The following HS2ST1 variants were observed in gnomAD, a reference collection of about 807,000 sequenced individuals.
HS2ST1 encodes the protein heparan sulfate 2-O-sulfotransferase 1.
In HS2ST1, 18 loss-of-function variants were observed where a neutral mutation model predicts 42.9. That is an observed-to-expected ratio of 0.42 (90% CI 0.29 to 0.62). HS2ST1 has a LOEUF of 0.62. Among genes scored for constraint, HS2ST1 ranks in the 20% least tolerant of loss-of-function variants. HS2ST1 has a pLI of 0.21. For missense variants in HS2ST1, 334 were observed against 433.8 expected (o/e 0.77, Z 2.04); for synonymous variants, 146 against 152.9 (o/e 0.95, Z 0.33).
chr1:86,935,345 ATAATT>A (rs1195784064), intron 1 of HS2ST1, among the ~76,000 whole-genome samples: 1 of 151,586 alleles, frequency 6.6e-6, no homozygotes, highest in Non-Finnish European at 1.5e-5. Context: ...AATTAGTAAT[ATAATT>A]AGAATGATAG....
chr1:86,950,634 A>G (rs1425731066), intron 1 of HS2ST1, among the ~76,000 whole-genome samples: 11 of 152,196 alleles, frequency 7.2e-5, no homozygotes, highest in Non-Finnish European at 1.5e-5. Flanking sequence ...CATATTTAGG[A>G]GTGAAATGTC....
At position 87,069,354 on chromosome 1, in the gene HS2ST1, A is replaced by G. The variant is rs577341008; in HGVS notation, c.125-3580A>G. On this transcript the variant is annotated intron_variant, in intron 1 of 6. Coordinates refer to ENST00000370550, the MANE Select transcript of HS2ST1 (RefSeq NM_012262.4). ...ATTCTAAGTGCACTGCAAATGTGGC[A>G]TAACTAGTTAACTTTCTTCAGTGAT... Among the ~76,000 whole-genome samples the G allele has an allele frequency of 1.2e-3, 182 of 152,370 alleles. 1 individual carries two copies. Among genetic ancestry groups the G allele is most frequent in the African/African-American group, 4.1e-3 (171 of 41,586 alleles).
At chr1:87,103,828 T>A (rs1652271751) in intron 6 of HS2ST1, among the ~76,000 whole-genome samples, 1 of 152,178 alleles carries the variant, frequency 6.6e-6, no homozygotes, top group East Asian at 1.9e-4. Flanking sequence ...CATAGAAATG[T>A]ATGGTATTCA....
At chr1:86,924,817 T>C (rs1261981469) in intron 1 of HS2ST1, among the ~76,000 whole-genome samples, 1 of 152,202 alleles carries the variant, frequency 6.6e-6, no homozygotes, top group Non-Finnish European at 1.5e-5. Flanking sequence ...GGCACTGACA[T>C]GGAGACCTCT....
intron 1 of HS2ST1, among the ~76,000 whole-genome samples, chr1:86,935,303 AAAG>A (rs1436391762): frequency 2.6e-5 from 4 of 152,014 alleles, no homozygotes; most frequent in South Asian, 2.1e-4. Flanking sequence ...TCATTAAAAA[AAAG>A]AAGTAGAATT....
chr1:87,092,575 A>T lies in HS2ST1; in HGVS notation c.494A>T (p.Asp165Val). Reference sequence around the variant, plus strand: ...CCAATTTACATTAATGTCATAAGGGATCCTATTGAGAGGCTAGTTTCTTAT... The same window carrying T: ...CCAATTTACATTAATGTCATAAGGGTTCCTATTGAGAGGCTAGTTTCTTAT... ...KKPIYINVIRDPIERLVSYYY... is the reference protein window; with the variant it reads ...KKPIYINVIRVPIERLVSYYY... Residue 165 changes from aspartate (D) to valine (V), a missense_variant, in exon 4 of 7, where the codon GAT (aspartate) becomes GTT (valine). Asp to Val is a radical substitution (Grantham distance 152). Coordinates refer to ENST00000370550, the MANE Select transcript of HS2ST1 (RefSeq NM_012262.4). 6.3e-7 allele frequency: 1 copy of T among 1,585,384 alleles called. No individual in the cohort carries two copies. The highest frequency in any genetic ancestry group is 8.6e-7 in the Non-Finnish European group (1 of 1,165,364).
intron 1 of HS2ST1, among the ~76,000 whole-genome samples, chr1:86,968,858 A>G (rs1473760326): frequency 2.0e-5 from 3 of 152,248 alleles, no homozygotes; most frequent in Non-Finnish European, 4.4e-5. Flanking sequence ...TCTGTTAAAA[A>G]TGAATGTTGT....
At chr1:86,982,290 C>T (rs941897684) in intron 1 of HS2ST1, among the ~76,000 whole-genome samples, 2 of 152,182 alleles carry the variant, frequency 1.3e-5, no homozygotes, top group African/African-American at 4.8e-5. Context: ...GCTCTAGAGA[C>T]ATTTTCTCCA....
chr1:86,957,717 T>A (rs1480484245), intron 1 of HS2ST1, among the ~76,000 whole-genome samples: 1 of 152,092 alleles, frequency 6.6e-6, no homozygotes, highest in Admixed American at 6.6e-5. Flanking sequence ...ACATAATGTT[T>A]TGTTGTGAAT....
At chr1:87,005,180 C>T (rs1192451496) in intron 1 of HS2ST1, among the ~76,000 whole-genome samples, 3 of 152,118 alleles carry the variant, frequency 2.0e-5, no homozygotes, top group Admixed American at 2.0e-4. Context: ...GGTTGCTTAT[C>T]ATAGTGTGAA....
intron 4 of HS2ST1, among the ~76,000 whole-genome samples, chr1:87,094,364 A>G (rs1239943933): frequency 6.6e-6 from 1 of 152,136 alleles, no homozygotes; most frequent in Non-Finnish European, 1.5e-5. Flanking sequence ...CAGTAATAAT[A>G]GCTCACATTT....
intron 1 of HS2ST1, among the ~76,000 whole-genome samples, chr1:86,919,378 G>C (rs1467607607): frequency 6.6e-6 from 1 of 152,152 alleles, no homozygotes; most frequent in African/African-American, 2.4e-5. Flanking sequence ...TGCTTAGGAA[G>C]ACTTACCCAG....
Position 87,075,728 on chromosome 1 carries a change from GGTATT to G in HS2ST1, c.363+2559_363+2563del, listed in dbSNP as rs531196373. Among the ~76,000 whole-genome samples the G allele has an allele frequency of 2.0e-4, 30 of 152,004 alleles. No homozygotes were observed. The South Asian group carries it at 6.0e-3, about 31-fold the overall frequency. On this transcript the variant is annotated intron_variant, in intron 2 of 6. Coordinates refer to ENST00000370550, the MANE Select transcript of HS2ST1 (RefSeq NM_012262.4). ...GACATTTTTTGTACATACTATATTA[GGTATT>G]GTTCTAAACTGTTTACCTGCTTAAT...
chr1:86,999,513 T>C (rs1265984808), intron 1 of HS2ST1, among the ~76,000 whole-genome samples: 1 of 152,214 alleles, frequency 6.6e-6, no homozygotes, highest in Non-Finnish European at 1.5e-5. Context: ...CCATGTCATT[T>C]GTTATATCCC....
intron 1 of HS2ST1, among the ~76,000 whole-genome samples, chr1:86,941,004 A>C (rs1344666207): frequency 6.6e-6 from 1 of 152,166 alleles, no homozygotes; most frequent in East Asian, 1.9e-4. Context: ...GAAAAAACAC[A>C]TTGGGAAGTA....
At chr1:86,994,740 T>A (rs1157731364) in intron 1 of HS2ST1, among the ~76,000 whole-genome samples, 1 of 152,176 alleles carries the variant, frequency 6.6e-6, no homozygotes, top group Non-Finnish European at 1.5e-5. Flanking sequence ...AAAACTATAT[T>A]GTTTCTTAAG....
intron 1 of HS2ST1, among the ~76,000 whole-genome samples, chr1:87,068,788 A>T (rs1651320234): frequency 6.6e-6 from 1 of 152,202 alleles, no homozygotes; most frequent in Non-Finnish European, 1.5e-5. Context: ...CTTACAATAA[A>T]GTAAACTAGA....
chr1:87,059,418 C>A (rs1464043302), intron 1 of HS2ST1, among the ~76,000 whole-genome samples: 1 of 152,108 alleles, frequency 6.6e-6, no homozygotes, highest in African/African-American at 2.4e-5. Context: ...GCATTTGTTA[C>A]AGTGGCATTT....
At chr1:86,945,851 T>C (rs773851364) in intron 1 of HS2ST1, among the ~76,000 whole-genome samples, 1 of 152,174 alleles carries the variant, frequency 6.6e-6, no homozygotes, top group Non-Finnish European at 1.5e-5. Flanking sequence ...GGTGGATGGA[T>C]TGAGCCCAGG....
Sources: gnomAD v4.1 joint callset for allele counts (sites outside exome capture counted in the v4.1 genomes callset) on GRCh38, gnomAD v4.1.1 for gene constraint, MANE v1.5 for transcripts, NCBI Gene and HGNC (gene_info 2026-07-23, HGNC 2026-07-21) for gene names.